The following TANK variants were observed in gnomAD, a reference collection of about 807,000 sequenced individuals.
TANK encodes the protein TRAF family member-associated NF-kappa-B activator.
A neutral mutation model predicts 43.6 loss-of-function variants in TANK; 15 were observed. That is an observed-to-expected ratio of 0.34 (90% CI 0.23 to 0.53). The LOEUF (loss-of-function observed/expected upper bound fraction) is 0.53. Ranked by LOEUF, TANK falls within the 20% of genes least tolerant of loss-of-function variation. The pLI, the probability that TANK is intolerant of heterozygous loss-of-function variation, is 0.94. For missense variants in TANK, 417 were observed against 498.6 expected, an observed-to-expected ratio of 0.84 and a Z score of 1.56; for synonymous variants, 162 against 178.2, an observed-to-expected ratio of 0.91 and a Z score of 0.73.
chr2:161,230,708 G>T (rs900701851), intron 6 of TANK, among the ~76,000 whole-genome samples: 1 of 152,204 alleles, frequency 6.6e-6, no homozygotes, highest in Non-Finnish European at 1.5e-5. Flanking sequence ...CAGTGTAACT[G>T]TGAACAAGAT....
chr2:161,200,025 G>A (rs1179479989), intron 2 of TANK, among the ~76,000 whole-genome samples: 1 of 152,240 alleles, frequency 6.6e-6, no homozygotes, highest in East Asian at 1.9e-4. Context: ...AGAAGCCAGA[G>A]TCATCTTGGC....
chr2:161,234,643 C>T (rs1405437203), intron 7 of TANK, among the ~76,000 whole-genome samples: 4 of 152,156 alleles, frequency 2.6e-5, no homozygotes, highest in African/African-American at 7.2e-5. Context: ...TGACGAGTTT[C>T]ACTTTATTCA....
chr2:161,155,355 TTTTAA>T (rs1272143131), intron 1 of TANK, among the ~76,000 whole-genome samples: 1 of 152,166 alleles, frequency 6.6e-6, no homozygotes, highest in African/African-American at 2.4e-5. Context: ...TGCAACATGT[TTTTAA>T]TTTATGTTTA....
chr2:161,161,055 G>C, intron 1 of TANK: 1 of 643,492 alleles, frequency 1.6e-6, no homozygotes, highest in Non-Finnish European at 2.5e-6. Flanking sequence ...GGTGGCCAAG[G>C]CAGGAAGAAC....
chr2:161,224,032 A>C, intron 5 of TANK, 41 bp downstream of exon 5: 1 of 1,242,334 alleles, frequency 8.0e-7, no homozygotes, highest in South Asian at 1.4e-5. Context: ...AAAAATTATC[A>C]ATACTGAAAT....
intron 1 of TANK, among the ~76,000 whole-genome samples, chr2:161,179,169 A>G (rs1458410821): frequency 6.6e-6 from 1 of 152,150 alleles, no homozygotes; most frequent in African/African-American, 2.4e-5. Context: ...AACTCCATCC[A>G]CAAACATTTA....
intron 4 of TANK, among the ~76,000 whole-genome samples, chr2:161,217,319 T>A (rs550821391): frequency 1.3e-5 from 2 of 152,250 alleles, no homozygotes; most frequent in Admixed American, 1.3e-4. Flanking sequence ...AATTTAAGGT[T>A]CTCAAATTCT....
Position 161,224,722 on chromosome 2 carries a change from C to A in TANK, c.496C>A (p.Leu166Ile). The A allele has an allele frequency of 6.4e-7, 1 of 1,565,696 alleles. No homozygotes were observed. Among genetic ancestry groups the A allele is most frequent in the Non-Finnish European group, 8.7e-7 (1 of 1,154,688 alleles). ...AKAQKDHLSK[L>I]NIPDTATETQ... is the part of the protein sequence containing the mutation. ...AGCACAGAAAGACCACTTAAGCAAA[C>A]TTAATATACCAGACACTGCAACTGG... The change falls in exon 6 of 8, where the codon CTT (leucine) becomes ATT (isoleucine). Residue 166 changes from leucine to isoleucine, a missense_variant. Physicochemically the swap from Leu to Ile is conservative, Grantham distance 5 (BLOSUM62 2). Coordinates refer to ENST00000392749, the MANE Select transcript of TANK (RefSeq NM_001199135.3).
At chr2:161,199,215 A>G (rs1686294635) in intron 2 of TANK, among the ~76,000 whole-genome samples, 2 of 152,082 alleles carry the variant, frequency 1.3e-5, no homozygotes, top group Non-Finnish European at 2.9e-5. Flanking sequence ...TAACCTTGGA[A>G]TAATTTGAAA....
intron 6 of TANK, 137 bp downstream of exon 6, chr2:161,224,883 G>T: frequency 1.9e-6 from 1 of 536,666 alleles, no homozygotes; most frequent in Non-Finnish European, 3.3e-6. Flanking sequence ...ATGTTTGAAT[G>T]TGTACATGCT....
chr2:161,208,198 GA>G, intron 4 of TANK: 1 of 985,346 alleles, frequency 1.0e-6, no homozygotes, highest in African/African-American at 1.7e-5. Flanking sequence ...GGCTGCCTTG[GA>G]AAAAAGAGAC....
At chr2:161,212,709 C>G in intron 4 of TANK, 1 of 985,192 alleles carries the variant, frequency 1.0e-6, no homozygotes, top group Non-Finnish European at 1.2e-6. Flanking sequence ...TAAAACTTGT[C>G]TTCAAAGCAC....
chr2:161,140,822 T>A (rs867025288), intron 1 of TANK, among the ~76,000 whole-genome samples: 2 of 151,494 alleles, frequency 1.3e-5, no homozygotes, highest in Non-Finnish European at 1.5e-5. Context: ...GGTTTTTTTT[T>A]AATGAATAGT....
At chr2:161,182,717 G>A (rs1241922555) in intron 2 of TANK, among the ~76,000 whole-genome samples, 1 of 152,098 alleles carries the variant, frequency 6.6e-6, no homozygotes, top group Non-Finnish European at 1.5e-5. Context: ...GATTGTCCAT[G>A]ATTGAAGAAG....
intron 1 of TANK, among the ~76,000 whole-genome samples, chr2:161,172,182 T>C (rs997236222): frequency 6.6e-6 from 1 of 152,188 alleles, no homozygotes; most frequent in Non-Finnish European, 1.5e-5. Flanking sequence ...CACTATTTTA[T>C]GCATTTCCTA....
intron 2 of TANK, among the ~76,000 whole-genome samples, chr2:161,183,767 G>T (rs1044078296): frequency 6.6e-6 from 1 of 151,892 alleles, no homozygotes; most frequent in Admixed American, 6.6e-5. Context: ...AACATTTATT[G>T]AGTACCTCCT....
At chr2:161,183,322 C>G (rs1685514913) in intron 2 of TANK, among the ~76,000 whole-genome samples, 1 of 151,936 alleles carries the variant, frequency 6.6e-6, no homozygotes, top group South Asian at 2.1e-4. Flanking sequence ...AGAGGGCTTT[C>G]TAAGATTATT....
chr2:161,179,610 G>T lies in TANK; in HGVS notation c.-49-4G>T. The T allele has an allele frequency of 1.3e-6, 2 of 1,596,880 alleles. No homozygotes were observed. Among genetic ancestry groups the T allele is most frequent in the Non-Finnish European group, 1.7e-6 (2 of 1,171,830 alleles). On this transcript the variant is annotated splice_polypyrimidine_tract_variant and splice_region_variant and intron_variant, in intron 1 of 7. Transcript: ENST00000392749. ...TTATCTAAATTGATCTCATTATTTT[G>T]CAGACCTGTCATTTACTCCATCCTT... is the stretch of plus-strand genomic sequence containing the variant.
At chr2:161,200,954 A>G (rs1377577009) in intron 2 of TANK, 1 of 239,700 alleles carries the variant, frequency 4.2e-6, no homozygotes, top group Non-Finnish European at 6.7e-6. Flanking sequence ...GCATCCTAAT[A>G]TGTGCCAGGC....
Sources: gnomAD v4.1 joint callset for allele counts (sites outside exome capture counted in the v4.1 genomes callset) on GRCh38, gnomAD v4.1.1 for gene constraint, MANE v1.5 for transcripts, NCBI Gene and HGNC (gene_info 2026-07-23, HGNC 2026-07-21) for gene names.